The following CLUAP1 variants were observed in gnomAD, a reference collection of about 807,000 sequenced individuals.
CLUAP1 encodes intraflagellar transport 38.
In CLUAP1, 50 loss-of-function variants were observed where a neutral mutation model predicts 55.0. The ratio of observed to expected loss-of-function variants is 0.91; its 90% CI spans 0.72 to 1.15. CLUAP1 has a LOEUF of 1.15. Among genes scored for constraint, CLUAP1 ranks in the 50% most tolerant of loss-of-function variants. The pLI is 0.00. For synonymous variants in CLUAP1, 195 were observed against 175.4 expected, an observed-to-expected ratio of 1.11 and a Z score of -0.88; for missense variants, 530 against 507.6, an observed-to-expected ratio of 1.04 and a Z score of -0.42.
At chr16:3,527,433 G>A (rs895692824) in intron 9 of CLUAP1, among the ~76,000 whole-genome samples, 4 of 152,116 alleles carry the variant, frequency 2.6e-5, no homozygotes, top group African/African-American at 9.7e-5. Flanking sequence ...TGGTCTAGTG[G>A]GAACACCAGC....
At chr16:3,512,964 G>GCCACTGCACCCGGCTGAAAGTA (rs1460982319) in intron 5 of CLUAP1, among the ~76,000 whole-genome samples, 7 of 152,232 alleles carry the variant, frequency 4.6e-5, no homozygotes, top group Non-Finnish European at 7.3e-5. Flanking sequence ...ACCGGTGTGA[G>GCCACTGCACCCGGCTGAAAGTA]CCACCGCGCC....
intron 6 of CLUAP1, 143 bp downstream of exon 6, chr16:3,515,734 G>A (rs2037718106): frequency 8.1e-6 from 4 of 496,624 alleles, no homozygotes; most frequent in African/African-American, 2.0e-5. Flanking sequence ...GAGGACATTC[G>A]AGCTTACCTA....
chr16:3,529,458 A>AT (rs2038017045), intron 9 of CLUAP1, among the ~76,000 whole-genome samples: 18 of 83,130 alleles, frequency 2.2e-4, no homozygotes, highest in Non-Finnish European at 3.7e-4. Context: ...ATATTATTAT[A>AT]TATAATATAT....
At chr16:3,532,238 T>C (rs2038136090) in intron 10 of CLUAP1, among the ~76,000 whole-genome samples, 1 of 152,190 alleles carries the variant, frequency 6.6e-6, no homozygotes, top group South Asian at 2.1e-4. Context: ...TTTCCTTGTA[T>C]ATACATCTTT....
intron 9 of CLUAP1, among the ~76,000 whole-genome samples, chr16:3,528,120 C>T (rs57840029): frequency 6.6e-5 from 10 of 152,208 alleles, no homozygotes; most frequent in African/African-American, 2.4e-4. Flanking sequence ...CATCCCTGAA[C>T]TTCAGTGTCA....
chr16:3,510,577 C>T (rs999172590), intron 4 of CLUAP1, among the ~76,000 whole-genome samples: 1 of 152,174 alleles, frequency 6.6e-6, no homozygotes, highest in Non-Finnish European at 1.5e-5. Context: ...CTTGGGGCAG[C>T]CGTGCGGCAG....
intron 3 of CLUAP1, 57 bp from the exon 4 acceptor site, chr16:3,508,232 G>A: frequency 6.7e-7 from 1 of 1,497,154 alleles, no homozygotes; most frequent in Non-Finnish European, 9.0e-7. Flanking sequence ...ATGGGATTTA[G>A]TTTAGACATT....
At chr16:3,530,720 C>A in intron 10 of CLUAP1, 45 bp downstream of exon 10, 1 of 1,483,296 alleles carries the variant, frequency 6.7e-7, no homozygotes, top group Non-Finnish European at 9.4e-7. Flanking sequence ...CGCCCTGTTT[C>A]ACAGAACACC....
At chr16:3,533,198 A>T (rs2151071940) in intron 11 of CLUAP1, 1 of 1,503,856 alleles carries the variant, frequency 6.6e-7, no homozygotes, top group East Asian at 2.5e-5. Flanking sequence ...GGTGTCTGTC[A>T]GCCCTCCCGG....
At chr16:3,520,218 A>T (rs540915957) in intron 7 of CLUAP1, among the ~76,000 whole-genome samples, 182 bp downstream of exon 7, 14 of 152,142 alleles carry the variant, frequency 9.2e-5, no homozygotes, top group Middle Eastern at 3.4e-3. Flanking sequence ...AAAAATTTTT[A>T]AAAATTACCT....
At chr16:3,509,707 A>G (rs753535195) in intron 4 of CLUAP1, among the ~76,000 whole-genome samples, 2 of 152,232 alleles carry the variant, frequency 1.3e-5, no homozygotes, top group South Asian at 2.1e-4. Context: ...GTGAAACCAC[A>G]GTGCACTGGC....
In CLUAP1 at chr16:3,506,490, T is replaced by C. The variant is rs180828464; in HGVS notation, c.219+75T>C. On this transcript the variant is annotated intron_variant, in intron 3 of 11. Coordinates refer to ENST00000576634, the MANE Select transcript of CLUAP1 (RefSeq NM_015041.3). ...GGATGACTCCTTGTTAGGGCGACTT[T>C]CAAACTGTGTAATTGAGTTTTTCTT... 92 of 1,125,926 alleles carry C rather than the reference T, an allele frequency of 8.2e-5. No individual in the cohort carries two copies. The Admixed American group carries it at 1.5e-3, about 19-fold the overall frequency. The allele number at this position is 1,125,926 out of a possible 1,614,324, so 69.7% of individuals were successfully genotyped here. A position where few individuals can be genotyped will look rare whatever the true frequency, so the allele number is the denominator to read the frequency against.
At position 3,511,053 on chromosome 16, in the gene CLUAP1, A is replaced by C. The variant is rs149502340; in HGVS notation, c.400-1330A>C. On this transcript the variant is annotated intron_variant, in intron 4 of 11. Transcript: ENST00000576634. ...CTGACTCGCTCCACTTTTGAGAAGC[A>C]GAGAAGGTGACAGACTCCTGCAAAG... Among the ~76,000 whole-genome samples the C allele has an allele frequency of 8.5e-3, 1,297 of 152,328 alleles. 20 individuals carry two copies. The highest frequency in any genetic ancestry group is 0.026 in the African/African-American group (1,069 of 41,562).
chr16:3,505,728 A>G (rs1370127013), intron 2 of CLUAP1, among the ~76,000 whole-genome samples: 1 of 152,196 alleles, frequency 6.6e-6, no homozygotes, highest in Non-Finnish European at 1.5e-5. Flanking sequence ...AGTACACTGG[A>G]TTAGAAATAA....
At chr16:3,524,406 C>T (rs2037898995) in intron 8 of CLUAP1, among the ~76,000 whole-genome samples, 1 of 151,570 alleles carries the variant, frequency 6.6e-6, no homozygotes, top group Admixed American at 6.6e-5. Context: ...TTGAAATCAG[C>T]TTGTCCAACA....
intron 3 of CLUAP1, 75 bp downstream of exon 3, chr16:3,506,490 T>G: frequency 8.9e-7 from 1 of 1,125,926 alleles, no homozygotes; most frequent in Non-Finnish European, 1.4e-6. Context: ...AGGGCGACTT[T>G]CAAACTGTGT....
At chr16:3,511,254 C>G (rs2037619555) in intron 4 of CLUAP1, among the ~76,000 whole-genome samples, 1 of 151,968 alleles carries the variant, frequency 6.6e-6, no homozygotes, top group African/African-American at 2.4e-5. Context: ...GATTGGTTGT[C>G]CAGGAGAGAG....
intron 1 of CLUAP1, 97 bp from the exon 2 acceptor site, chr16:3,504,622 AG>A: frequency 1.3e-6 from 1 of 743,664 alleles, no homozygotes; most frequent in Non-Finnish European, 2.4e-6. Flanking sequence ...AGCTGTCAAT[AG>A]GTTGGAAATA....
chr16:3,530,641 C>G lies in CLUAP1; in HGVS notation c.1002C>G (p.Pro334=). ...SDSELEERRL[P]KPQTAMEMLM... is the part of the protein sequence containing the mutation. ...GTGAGTTGGAAGAAAGGCGGCTGCC[C>G]AAGCCACAGACAGCCATGGAGATGC... The change falls in exon 10 of 12, where the codon CCC becomes CCG. Residue 334 remains proline (P), a synonymous_variant. Coordinates refer to ENST00000576634, the MANE Select transcript of CLUAP1 (RefSeq NM_015041.3). 10 of 1,608,112 alleles carry G rather than the reference C, an allele frequency of 6.2e-6. No individual in the cohort carries two copies. Among genetic ancestry groups the G allele is most frequent in the African/African-American group, 1.3e-5 (1 of 74,816 alleles).
Sources: allele counts gnomAD v4.1 joint callset (sites outside exome capture counted in the v4.1 genomes callset), GRCh38; gene constraint gnomAD v4.1.1; transcripts MANE v1.5; gene names NCBI Gene and HGNC (gene_info 2026-07-23, HGNC 2026-07-21).